The following NCLN variants were observed in gnomAD, a reference collection of about 807,000 sequenced individuals.
NCLN encodes the protein BOS complex subunit NCLN.
Under a neutral mutation model 69.5 loss-of-function variants are expected in NCLN, and 34 were observed. The observed-to-expected ratio is 0.49, with a 90% CI of 0.37 to 0.65. The LOEUF is 0.65. Among genes scored for constraint, NCLN ranks in the 30% least tolerant of loss-of-function variants. The pLI is 0.00. For synonymous variants in NCLN, 393 were observed against 358.3 expected, an observed-to-expected ratio of 1.10 and a Z score of -1.09; for missense variants, 710 against 804.8, an observed-to-expected ratio of 0.88 and a Z score of 1.42.
chr19:3,188,726 A>G (rs1053541360), intron 1 of NCLN, among the ~76,000 whole-genome samples: 1 of 152,234 alleles, frequency 6.6e-6, no homozygotes, highest in Non-Finnish European at 1.5e-5. Context: ...GCATTCGCCC[A>G]GCTGGTCCGT....
chr19:3,206,457 A>G (rs1234618166), intron 12 of NCLN, 32 bp downstream of exon 12: 8 of 1,530,214 alleles, frequency 5.2e-6, no homozygotes, highest in Non-Finnish European at 7.0e-6. Flanking sequence ...GGCCCCGTTC[A>G]GCCTGGGGCC....
intron 1 of NCLN, among the ~76,000 whole-genome samples, chr19:3,188,038 G>A (rs949527881): frequency 2.6e-5 from 4 of 152,116 alleles, no homozygotes; most frequent in African/African-American, 7.2e-5. Context: ...GGTAATAAAC[G>A]CAAGTAGCCA....
intron 13 of NCLN, 34 bp from the exon 14 acceptor site, chr19:3,207,357 A>G (rs1165688819): frequency 1.9e-6 from 3 of 1,612,750 alleles, no homozygotes; most frequent in Middle Eastern, 1.6e-4. Context: ...GCCGCGCACC[A>G]TCCTCGACCT....
At chr19:3,199,023 TG>T in intron 5 of NCLN, 126 bp downstream of exon 5, 1 of 600,330 alleles carries the variant, frequency 1.7e-6, no homozygotes. Flanking sequence ...TGACGGCCTT[TG>T]CCCGTCATCC....
intron 12 of NCLN, 38 bp downstream of exon 12, chr19:3,206,463 G>C (rs1013687187): frequency 2.6e-6 from 4 of 1,521,898 alleles, no homozygotes; most frequent in Admixed American, 4.1e-5. Flanking sequence ...GTTCAGCCTG[G>C]GGCCGAGGGG....
At position 3,205,893 on chromosome 19, in the gene NCLN, C is replaced by A; in HGVS notation, c.1209-46C>A. The A allele has an allele frequency of 6.3e-7, 1 of 1,589,106 alleles. No homozygotes were observed. Among genetic ancestry groups the A allele is most frequent in the Non-Finnish European group, 8.6e-7 (1 of 1,158,374 alleles). On this transcript the variant is annotated intron_variant, in intron 9 of 14. Transcript: ENST00000246117. This position sits in a 1 kb window ranked among gnomAD's most constrained non-coding sequence, Gnocchi z 4.6. ...ATTACAAGTGTGAGAGCTACCTTGC[C>A]TGGCCCAAAGTCCACATTTTAAAAC...
chr19:3,205,858 G>T lies in NCLN; in HGVS notation c.1209-81G>T. On this transcript the variant is annotated intron_variant, in intron 9 of 14. Coordinates refer to ENST00000246117, the MANE Select transcript of NCLN (RefSeq NM_020170.4). This position sits in a 1 kb window ranked among gnomAD's most constrained non-coding sequence, Gnocchi z 4.6. ...CAGAGTCTCACGGTCTCCTAGGCTG[G>T]AGTGCTGGGATTACAAGTGTGAGAG... The T allele has an allele frequency of 8.0e-7, 1 of 1,245,570 alleles. No individual in the cohort carries two copies. Among genetic ancestry groups the T allele is most frequent in the Non-Finnish European group, 1.2e-6 (1 of 853,024 alleles). The allele number at this position is 1,245,570 out of a possible 1,614,324, so 77.2% of individuals were successfully genotyped here. A position where few individuals can be genotyped will look rare whatever the true frequency, so the allele number is the denominator to read the frequency against.
rs1448308985 is a variant in NCLN, at chr19:3,206,537, AAG to A, written c.1499+117_1499+118del. The A allele has an allele frequency of 1.4e-5, 19 of 1,321,848 alleles. No individual in the cohort carries two copies. In the African/African-American group the frequency reaches 1.8e-4, roughly 12 times the overall value. The allele number at this position is 1,321,848 out of a possible 1,614,324, so 81.9% of individuals were successfully genotyped here. On this transcript the variant is annotated intron_variant, in intron 12 of 14. Transcript: ENST00000246117. ...GGGGATGCCAGGTGGAGCAAATACA[AAG>A]AGAGGGTGGGATGAGGGCCGGACAC... is the stretch of plus-strand genomic sequence containing the variant.
Position 3,207,678 on chromosome 19 carries a change from A to C in NCLN, c.1682A>C (p.Lys561Thr). 3 of 1,612,608 alleles carry C rather than the reference A, an allele frequency of 1.9e-6. No individual in the cohort carries two copies. The highest frequency in any genetic ancestry group is 2.5e-6 in the Non-Finnish European group (3 of 1,179,692). ...GTCCAGAGGCTGCTCGTGAAGGCCA[A>C]GACACAGTGACACAGCCACCCCCAC... Reference protein sequence around the residue: ...KTVQRLLVKAKTQ With the variant: ...KTVQRLLVKATTQ Residue 561 changes from lysine (K) to threonine (T), a missense_variant, in exon 15 of 15, where the codon AAG (lysine) becomes ACG (threonine). Lys to Thr is a moderately conservative substitution (Grantham distance 78, BLOSUM62 -1). Transcript: ENST00000246117.
Position 3,207,381 on chromosome 19 carries a change from T to C in NCLN, c.1554-10T>C. The C allele has an allele frequency of 6.2e-7, 1 of 1,613,054 alleles. No homozygotes were observed. Among genetic ancestry groups the C allele is most frequent in the Non-Finnish European group, 8.5e-7 (1 of 1,179,950 alleles). On this transcript the variant is annotated splice_polypyrimidine_tract_variant and intron_variant, in intron 13 of 14. Transcript: ENST00000246117. The stretch of plus-strand genomic sequence containing the variant: ...CATCCTCGACCTCAGGGACCCTGCT[T>C]TCTCCACAGAGTCAAGCCGGCCGTC...
intron 14 of NCLN, 26 bp from the exon 15 acceptor site, chr19:3,207,603 C>T (rs1239239203): frequency 1.2e-6 from 2 of 1,612,046 alleles, no homozygotes; most frequent in African/African-American, 1.3e-5. Flanking sequence ...CGCCCACATC[C>T]TCACTCCCTC....
At chr19:3,194,364 C>G (rs2144901752) in intron 3 of NCLN, among the ~76,000 whole-genome samples, 1 of 152,062 alleles carries the variant, frequency 6.6e-6, no homozygotes, top group South Asian at 2.1e-4. Flanking sequence ...GCCTGGGCAA[C>G]AAGAGCAAAT....
At chr19:3,203,730 A>C (rs1304110350) in intron 6 of NCLN, 26 bp from the exon 7 acceptor site, 1 of 1,597,290 alleles carries the variant, frequency 6.3e-7, no homozygotes. Context: ...TGCCCGTCAA[A>C]GCTAACACTG....
At chr19:3,199,557 G>A (rs1292373229) in intron 5 of NCLN, among the ~76,000 whole-genome samples, 5 of 152,198 alleles carry the variant, frequency 3.3e-5, no homozygotes, top group Non-Finnish European at 4.4e-5. Flanking sequence ...TCCTGTCAGC[G>A]AGGGTCGGGG....
chr19:3,206,039 C>A lies in NCLN; in HGVS notation c.1296+13C>A. On this transcript the variant is annotated intron_variant, in intron 10 of 14. Coordinates refer to ENST00000246117, the MANE Select transcript of NCLN (RefSeq NM_020170.4). ...CCTGACAGAGAAGGTGAGCCCTGAG[C>A]CCTCTGTGCCGCCAGACCCAGCCCC... is the stretch of plus-strand genomic sequence containing the variant. 6.2e-7 allele frequency: 1 copy of A among 1,611,736 alleles called. No individual in the cohort carries two copies. The highest frequency in any genetic ancestry group is 8.5e-7 in the Non-Finnish European group (1 of 1,179,790).
chr19:3,196,286 C>T lies in NCLN; in HGVS notation c.615+9C>T, dbSNP rs187629347. 1,003 of 1,534,370 alleles carry T rather than the reference C, an allele frequency of 6.5e-4. 12 individuals carry two copies. The Admixed American group carries it at 0.018, about 28-fold the overall frequency. Reference sequence around the variant, plus strand: ...TGATTGCCAGCGTGGAGGTGAGTGCCGCCTGCCCCGGAGCCAGCCCCACGT... The same window carrying T: ...TGATTGCCAGCGTGGAGGTGAGTGCTGCCTGCCCCGGAGCCAGCCCCACGT... On this transcript the variant is annotated intron_variant, in intron 4 of 14. Coordinates refer to ENST00000246117, the MANE Select transcript of NCLN (RefSeq NM_020170.4).
intron 12 of NCLN, 69 bp downstream of exon 12, chr19:3,206,494 C>G (rs1396662309): frequency 6.8e-7 from 1 of 1,479,696 alleles, no homozygotes; most frequent in African/African-American, 1.4e-5. Flanking sequence ...TACTGCATCT[C>G]CCACCCCCTC....
At chr19:3,201,484 G>A (rs1267209470) in intron 5 of NCLN, 39 bp from the exon 6 acceptor site, 7 of 1,470,078 alleles carry the variant, frequency 4.8e-6, no homozygotes, top group Non-Finnish European at 5.5e-6. Context: ...CGGGAGCCGG[G>A]CGGGGGTGAC....
chr19:3,194,096 C>A (rs996402545), intron 3 of NCLN, among the ~76,000 whole-genome samples: 28 of 152,186 alleles, frequency 1.8e-4, no homozygotes, highest in African/African-American at 6.5e-4. Context: ...TGGCCCAGCC[C>A]CAACAAAAAC....
Sources: gnomAD v4.1 joint callset for allele counts (sites outside exome capture counted in the v4.1 genomes callset) on GRCh38, gnomAD v4.1.1 for gene constraint, Gnocchi (gnomAD v3.1) non-coding constraint, MANE v1.5 for transcripts, NCBI Gene and HGNC (gene_info 2026-07-23, HGNC 2026-07-21) for gene names.